Variants in MYOF observed in about 807,000 individuals in gnomAD.
MYOF encodes the protein fer-1-like 3, myoferlin.
MYOF carries 244 observed loss-of-function variants against 284.2 expected under a neutral mutation model. The observed-to-expected ratio is 0.86, with a 90% CI of 0.77 to 0.95. MYOF has a LOEUF of 0.95. Among genes scored for constraint, MYOF ranks in the 40% least tolerant of loss-of-function variants. The pLI is 0.00. For missense variants in MYOF, 2,496 were observed against 2,560.6 expected, an observed-to-expected ratio of 0.97 and a Z score of 0.54; for synonymous variants, 904 against 919.7, an observed-to-expected ratio of 0.98 and a Z score of 0.31.
rs140255016 is a variant in MYOF, at chr10:93,354,666, ACTCTCT to A, written c.3404-784_3404-779del. 7.4e-3 allele frequency among the ~76,000 whole-genome samples: 888 copies of A among 119,308 alleles called. 4 individuals carry two copies. Among genetic ancestry groups the A allele is most frequent in the Middle Eastern group, 0.033 (7 of 212 alleles). The allele number at this position is 119,308 out of a possible 152,430, so 78.3% of individuals were successfully genotyped here. On this transcript the variant is annotated intron_variant, in intron 31 of 53. Transcript: ENST00000359263. ...CTCTGTCTCTATCACTCACACATTC[ACTCTCT>A]CTCTCTCTCTCTCTCTCTCTCTCTC... is the stretch of plus-strand genomic sequence containing the variant.
Position 93,482,306 on chromosome 10 carries a change from T to C in MYOF, c.-112A>G. 1.0e-6 allele frequency: 1 copy of C among 959,782 alleles called. No homozygotes were observed. Among genetic ancestry groups the C allele is most frequent in the Non-Finnish European group, 1.6e-6 (1 of 624,954 alleles). The allele number at this position is 959,782 out of a possible 1,614,324, so 59.5% of individuals were successfully genotyped here. On this transcript the variant is annotated 5_prime_UTR_variant, in exon 1 of 54. Transcript: ENST00000359263. ...AGTTCTCTCCCAGTGAAGGGAGGAT[T>C]TCTCCCAGGGCAAGGAAGGGGAAAA...
chr10:93,352,997 T>C (rs369091121), intron 32 of MYOF, among the ~76,000 whole-genome samples: 25 of 152,140 alleles, frequency 1.6e-4, no homozygotes, highest in African/African-American at 5.1e-4. Flanking sequence ...CACATGAGAG[T>C]GTCAGTCAAA....
intron 26 of MYOF, among the ~76,000 whole-genome samples, chr10:93,365,031 T>G (rs948776577): frequency 1.3e-5 from 2 of 152,178 alleles, no homozygotes; most frequent in African/African-American, 4.8e-5. Flanking sequence ...CTCACTAACC[T>G]TCCTTCCTTC....
chr10:93,441,952 A>G (rs1444330425), intron 3 of MYOF, among the ~76,000 whole-genome samples: 1 of 144,452 alleles, frequency 6.9e-6, no homozygotes, highest in Non-Finnish European at 1.5e-5. Flanking sequence ...TATTCCCCCG[A>G]ACAACCTCTC....
chr10:93,382,160 G>T (rs1038577833), intron 19 of MYOF, among the ~76,000 whole-genome samples: 20 of 152,106 alleles, frequency 1.3e-4, no homozygotes, highest in Non-Finnish European at 4.4e-5. Flanking sequence ...TGTTGAAGAA[G>T]GTAGAGAGAT....
At chr10:93,336,662 A>G (rs1843620038) in intron 40 of MYOF, among the ~76,000 whole-genome samples, 1 of 152,170 alleles carries the variant, frequency 6.6e-6, no homozygotes, top group East Asian at 1.9e-4. Context: ...GGTGGTTCAC[A>G]TAGGGTATAT....
intron 14 of MYOF, 31 bp from the exon 15 acceptor site, chr10:93,397,321 T>C: frequency 1.3e-6 from 2 of 1,596,488 alleles, no homozygotes; most frequent in Non-Finnish European, 1.7e-6. Context: ...AAAGTAGTTA[T>C]TTCTCAATGA....
intron 3 of MYOF, among the ~76,000 whole-genome samples, chr10:93,438,814 ACAAACTGTAGCAGG>A (rs1486873827): frequency 6.6e-6 from 1 of 152,076 alleles, no homozygotes; most frequent in Admixed American, 6.6e-5. Flanking sequence ...ATTTAATAGA[ACAAACTGTAGCAGG>A]CAAACTCCAT....
At chr10:93,451,493 T>C (rs759397546) in intron 3 of MYOF, among the ~76,000 whole-genome samples, 2 of 152,164 alleles carry the variant, frequency 1.3e-5, no homozygotes, top group African/African-American at 2.4e-5. Flanking sequence ...CTCCCAATTT[T>C]ACTCAGAGGA....
In MYOF at chr10:93,401,516, C is replaced by A. The variant is rs749422835; in HGVS notation, c.1019G>T (p.Ser340Ile). 8 of 1,614,118 alleles carry A rather than the reference C, an allele frequency of 5.0e-6. No homozygotes were observed. The highest frequency in any genetic ancestry group is 6.8e-6 in the Non-Finnish European group (8 of 1,179,996). The change falls in exon 12 of 54, where the codon AGT (serine) becomes ATT (isoleucine). Residue 340 changes from serine to isoleucine, a missense_variant. By Grantham distance (142) the Ser-to-Ile change is moderately radical. Coordinates refer to ENST00000359263, the MANE Select transcript of MYOF (RefSeq NM_013451.4). ...PPERRDRDND[S>I]DDVESNLLLP... ...TAACAAATTACTCTCCACATCATCA[C>A]TGTCATTATCACGATCTCGTCTCTC...
Position 93,409,687 on chromosome 10 carries a change from C to A in MYOF, c.486G>T (p.Arg162Ser). ...GDEDRLDNAV[R>S]GPGPKGPVGT... ...CAACTGGCCCCTTGGGCCCAGGGCC[C>A]CTGACTGCATTGTCCAACCTGTCTT... Residue 162 changes from arginine to serine, a missense_variant, in exon 6 of 54, where the codon AGG (arginine) becomes AGT (serine). Arg to Ser is a moderately radical substitution (Grantham distance 110, BLOSUM62 -1). Coordinates refer to ENST00000359263, the MANE Select transcript of MYOF (RefSeq NM_013451.4). 1 of 1,614,208 alleles carries A rather than the reference C, an allele frequency of 6.2e-7. No homozygotes were observed. The highest frequency in any genetic ancestry group is 1.1e-5 in the South Asian group (1 of 91,082).
At chr10:93,343,052 ATT>A (rs72520053) in intron 38 of MYOF, among the ~76,000 whole-genome samples, 1 of 151,004 alleles carries the variant, frequency 6.6e-6, no homozygotes, top group African/African-American at 2.4e-5. Context: ...ATGGAAGTAG[ATT>A]TTTTTTTTAA....
intron 4 of MYOF, among the ~76,000 whole-genome samples, chr10:93,429,781 G>C (rs925000629): frequency 1.3e-5 from 2 of 152,138 alleles, no homozygotes; most frequent in African/African-American, 4.8e-5. Flanking sequence ...GGGGTTGGAA[G>C]TTATGGGCCA....
intron 1 of MYOF, among the ~76,000 whole-genome samples, chr10:93,471,085 G>A (rs2057137514): frequency 6.6e-6 from 1 of 152,074 alleles, no homozygotes; most frequent in African/African-American, 2.4e-5. Flanking sequence ...AACAAACGGA[G>A]GTGAAATGAA....
chr10:93,344,664 T>C (rs887805594), intron 37 of MYOF, among the ~76,000 whole-genome samples: 4 of 135,498 alleles, frequency 3.0e-5, no homozygotes, highest in Non-Finnish European at 6.0e-5. Flanking sequence ...CAAACCAACA[T>C]GGCACGTGTA....
chr10:93,347,793 C>T lies in MYOF; in HGVS notation c.4084-11G>A. 6.2e-7 allele frequency: 1 copy of T among 1,605,890 alleles called. No individual in the cohort carries two copies. On this transcript the variant is annotated splice_polypyrimidine_tract_variant and intron_variant, in intron 36 of 53. Transcript: ENST00000359263. Reference sequence around the variant, plus strand: ...CTCCTTGGGCAAGAACTGGGGGTCACAAAGGTAGGTTTCATTTCTCAAGAC... The same window carrying T: ...CTCCTTGGGCAAGAACTGGGGGTCATAAAGGTAGGTTTCATTTCTCAAGAC...
chr10:93,322,948 T>A, intron 48 of MYOF, 130 bp downstream of exon 48: 2 of 884,734 alleles, frequency 2.3e-6, no homozygotes, highest in Non-Finnish European at 3.7e-6. Flanking sequence ...CCTAAGTAGA[T>A]CACATTAATG....
At chr10:93,340,006 G>A in intron 39 of MYOF, 147 bp downstream of exon 39, 2 of 773,030 alleles carry the variant, frequency 2.6e-6, no homozygotes, top group African/African-American at 1.7e-5. Context: ...GTGAACCCCG[G>A]GGGGCGGAGC....
rs41290202 is a variant in MYOF at position 93,401,511 on chromosome 10, C to T, written c.1024G>A (p.Asp342Asn). The change falls in exon 12 of 54, where the codon GAT (aspartate) becomes AAT (asparagine). Residue 342 changes from aspartate (D) to asparagine (N), a missense_variant. Asp to Asn is a conservative substitution (Grantham distance 23, BLOSUM62 1). Coordinates refer to ENST00000359263, the MANE Select transcript of MYOF (RefSeq NM_013451.4). ...ERRDRDNDSD[D>N]VESNLLLPAG... is the part of the protein sequence containing the mutation. ...GGGAGTAACAAATTACTCTCCACAT[C>T]ATCACTGTCATTATCACGATCTCGT... is the stretch of plus-strand genomic sequence containing the variant. 27,293 of 1,614,074 alleles carry T rather than the reference C, an allele frequency of 0.017. 314 individuals are homozygous for T. The highest frequency in any genetic ancestry group is 0.02 in the Non-Finnish European group (23,238 of 1,179,966).
Sources: allele counts gnomAD v4.1 joint callset (sites outside exome capture counted in the v4.1 genomes callset), GRCh38; gene constraint gnomAD v4.1.1; transcripts MANE v1.5; gene names NCBI Gene and HGNC (gene_info 2026-07-23, HGNC 2026-07-21).